Variants in TACR1 observed in about 807,000 individuals in gnomAD.
TACR1 encodes tachykinin receptor 1, also known as substance-P receptor.
A neutral mutation model predicts 35.8 loss-of-function variants in TACR1; 25 were observed. That is an observed-to-expected ratio of 0.70 (90% confidence interval 0.51 to 0.98). TACR1 has a LOEUF of 0.98. Among genes scored for constraint, TACR1 ranks in the 50% least tolerant of loss-of-function variants. The probability of loss-of-function intolerance (pLI) is 0.00; values close to 1 mark genes in which losing one functional copy is unlikely to be tolerated. For missense variants in TACR1, 478 were observed against 522.9 expected (o/e 0.91, Z 0.84); for synonymous variants, 195 against 206.7 (o/e 0.94, Z 0.48).
At chr2:75,052,051 G>A (rs1327652476) in intron 3 of TACR1, among the ~76,000 whole-genome samples, 1 of 152,136 alleles carries the variant, frequency 6.6e-6, no homozygotes, top group Non-Finnish European at 1.5e-5. Context: ...AGTGCCAGAT[G>A]TTTAAAAGCG....
At chr2:75,166,734 A>C (rs565660098) in intron 1 of TACR1, among the ~76,000 whole-genome samples, 1 of 152,368 alleles carries the variant, frequency 6.6e-6, no homozygotes, top group Admixed American at 6.5e-5. Context: ...CTTGGAGGCT[A>C]TTAGAGGTTA....
chr2:75,137,728 C>CAAAAAAAAA (rs11326632), intron 1 of TACR1, among the ~76,000 whole-genome samples: 28 of 47,512 alleles, frequency 5.9e-4, no homozygotes, highest in East Asian at 9.8e-4. Flanking sequence ...GTCTCCGTCT[C>CAAAAAAAAA]AAAAAAAAAA....
intron 1 of TACR1, among the ~76,000 whole-genome samples, chr2:75,147,517 G>A (rs1225155332): frequency 2.0e-5 from 3 of 152,144 alleles, no homozygotes; most frequent in African/African-American, 7.2e-5. Context: ...TGCCATCTAG[G>A]TTTTAAGACC....
At chr2:75,080,453 C>T (rs935321428) in intron 2 of TACR1, among the ~76,000 whole-genome samples, 13 of 152,254 alleles carry the variant, frequency 8.5e-5, no homozygotes, top group African/African-American at 3.1e-4. Flanking sequence ...CAATCACTGT[C>T]CCATTGGGTC....
chr2:75,110,165 T>C (rs1032788611), intron 2 of TACR1, among the ~76,000 whole-genome samples: 2 of 152,118 alleles, frequency 1.3e-5, no homozygotes, highest in Non-Finnish European at 2.9e-5. Flanking sequence ...AATCAGATGG[T>C]ATCAGATTTC....
In TACR1 at chr2:75,105,626, G is replaced by A. The variant is rs10184423; in HGVS notation, c.584+14948C>T. On this transcript the variant is annotated intron_variant, in intron 2 of 4. Coordinates refer to ENST00000305249, the MANE Select transcript of TACR1 (RefSeq NM_001058.4). The stretch of plus-strand genomic sequence containing the variant: ...GTATGAAAACATCATATTGTACGCC[G>A]TAAATGCACATACTTTTATGAGTTA... Among the ~76,000 whole-genome samples, 332 of 151,960 alleles carry A rather than the reference G, an allele frequency of 2.2e-3. 6 individuals carry two copies. Among genetic ancestry groups the A allele is most frequent in the African/African-American group, 7.3e-3 (302 of 41,504 alleles).
At chr2:75,105,730 G>A (rs1049909279) in intron 2 of TACR1, among the ~76,000 whole-genome samples, 1 of 151,922 alleles carries the variant, frequency 6.6e-6, no homozygotes, top group African/African-American at 2.4e-5. Context: ...CTCTAATGAG[G>A]TGACAAGAAT....
chr2:75,199,085 C>T lies in TACR1; in HGVS notation c.-151G>A. On this transcript the variant is annotated 5_prime_UTR_variant, in exon 1 of 5. Coordinates refer to ENST00000305249, the MANE Select transcript of TACR1 (RefSeq NM_001058.4). ...GGCAGCACTCTTTTTGAAAGCTGAA[C>T]TGGCGCTCAGAATATAAACGCTTCT... 1.0e-6 allele frequency: 1 copy of T among 964,966 alleles called. No homozygotes were observed. The highest frequency in any genetic ancestry group is 1.8e-5 in the South Asian group (1 of 56,396). The allele number at this position is 964,966 out of a possible 1,614,324, so 59.8% of individuals were successfully genotyped here. A position where few individuals can be genotyped will look rare whatever the true frequency, so the allele number is the denominator to read the frequency against.
At chr2:75,054,459 G>C (rs149936742) in intron 2 of TACR1, among the ~76,000 whole-genome samples, 3 of 152,164 alleles carry the variant, frequency 2.0e-5, no homozygotes, top group African/African-American at 7.2e-5. Flanking sequence ...AAGCTGCCTG[G>C]GTCCCTGAAT....
intron 2 of TACR1, among the ~76,000 whole-genome samples, chr2:75,069,617 A>G (rs1672835609): frequency 6.6e-6 from 1 of 152,154 alleles, no homozygotes; most frequent in Admixed American, 6.5e-5. Flanking sequence ...TTTACTTGCC[A>G]TGTCTCCTTA....
chr2:75,134,485 A>G (rs1290098364), intron 1 of TACR1, among the ~76,000 whole-genome samples: 2 of 152,184 alleles, frequency 1.3e-5, no homozygotes, highest in African/African-American at 2.4e-5. Flanking sequence ...AGGACTTATG[A>G]TGCATTAGAA....
intron 1 of TACR1, among the ~76,000 whole-genome samples, chr2:75,128,337 G>T (rs913798711): frequency 6.6e-6 from 1 of 152,172 alleles, no homozygotes; most frequent in Non-Finnish European, 1.5e-5. Context: ...GCCCTAGTTG[G>T]GCATAGATAG....
At chr2:75,159,057 T>C (rs1674938087) in intron 1 of TACR1, among the ~76,000 whole-genome samples, 1 of 152,168 alleles carries the variant, frequency 6.6e-6, no homozygotes, top group South Asian at 2.1e-4. Context: ...TACCTTTTTT[T>C]TTTAATGTTT....
chr2:75,190,441 C>T (rs891017449), intron 1 of TACR1, among the ~76,000 whole-genome samples: 2 of 152,278 alleles, frequency 1.3e-5, no homozygotes, highest in Non-Finnish European at 2.9e-5. Flanking sequence ...CAGTTTTAAA[C>T]TACCATCTTT....
At chr2:75,117,133 TTGTGTGTGTGTGTGTG>T (rs3079167) in intron 2 of TACR1, among the ~76,000 whole-genome samples, 1 of 148,756 alleles carries the variant, frequency 6.7e-6, no homozygotes, top group Non-Finnish European at 1.5e-5. Flanking sequence ...ACTTTGTGGA[TTGTGTGTGTGTGTGTG>T]TGTGTGTGTG....
chr2:75,121,852 C>A (rs13423239), intron 1 of TACR1, among the ~76,000 whole-genome samples: 1 of 152,072 alleles, frequency 6.6e-6, no homozygotes, highest in Non-Finnish European at 1.5e-5. Context: ...GACGTCCATG[C>A]GACAGAATGG....
At chr2:75,177,596 C>A (rs1017928592) in intron 1 of TACR1, among the ~76,000 whole-genome samples, 6 of 152,136 alleles carry the variant, frequency 3.9e-5, no homozygotes, top group Admixed American at 3.9e-4. Context: ...CCATTGATTG[C>A]ACCACTTTTA....
chr2:75,114,913 G>T (rs1249990757), intron 2 of TACR1, among the ~76,000 whole-genome samples: 1 of 152,186 alleles, frequency 6.6e-6, no homozygotes, highest in Non-Finnish European at 1.5e-5. Context: ...ATCTATAACT[G>T]TGAATTGTAA....
intron 1 of TACR1, chr2:75,154,252 A>G (rs142951034): frequency 3.3e-5 from 5 of 152,050 alleles, no homozygotes; most frequent in African/African-American, 1.2e-4. Context: ...TGAAAATCCC[A>G]AACAACAAAC....
Sources: gnomAD v4.1 joint callset for allele counts (sites outside exome capture counted in the v4.1 genomes callset) on GRCh38, gnomAD v4.1.1 for gene constraint, MANE v1.5 for transcripts, NCBI Gene and HGNC (gene_info 2026-07-23, HGNC 2026-07-21) for gene names.